The following NSD3 variants were observed in gnomAD, a reference collection of about 807,000 sequenced individuals.
NSD3 encodes nuclear receptor binding SET domain protein 3.
A neutral mutation model predicts 160.8 loss-of-function variants in NSD3; 24 were observed. The observed-to-expected ratio is 0.15, with a 90% CI of 0.11 to 0.21. NSD3 has a LOEUF of 0.21. Among genes scored for constraint, NSD3 ranks in the 10% least tolerant of loss-of-function variants. NSD3 has a pLI of 1.00. For missense variants in NSD3, 1,157 were observed against 1,735.9 expected, an observed-to-expected ratio of 0.67 and a Z score of 5.93; for synonymous variants, 520 against 600.0, an observed-to-expected ratio of 0.87 and a Z score of 1.95.
chr8:38,355,721 T>TA (rs2150387871), intron 1 of NSD3, among the ~76,000 whole-genome samples: 1 of 152,336 alleles, frequency 6.6e-6, no homozygotes, highest in South Asian at 2.1e-4. Context: ...AAATCCCTGA[T>TA]AAAGATAATG....
At chr8:38,294,481 C>G (rs566309760) in intron 16 of NSD3, among the ~76,000 whole-genome samples, 1 of 152,290 alleles carries the variant, frequency 6.6e-6, no homozygotes, top group South Asian at 2.1e-4. Flanking sequence ...TAATGGTACT[C>G]ACATACTTCC....
intron 12 of NSD3, among the ~76,000 whole-genome samples, chr8:38,307,712 C>T (rs1186243854): frequency 6.6e-6 from 1 of 152,164 alleles, no homozygotes; most frequent in Non-Finnish European, 1.5e-5. Flanking sequence ...CACAGACACA[C>T]ACAAAGGTTT....
rs1809633764 is a variant in NSD3, at chr8:38,315,433, T to C, written c.2098A>G (p.Lys700Glu). ...CTGCCTACCTGACATACAGTGTCCT[T>C]CTTACTCATTCCAGTGCCTCTTCTC... ...LSRRGTGMSK[K>E]DTVCQICESS... is the part of the protein sequence containing the mutation. The change falls in exon 11 of 24, where the codon AAG (lysine) becomes GAG (glutamate). Residue 700 changes from lysine (K) to glutamate (E), a missense_variant. Lys to Glu is a moderately conservative substitution (Grantham distance 56). Around this residue, in one of 10 missense-constraint regions of NSD3, gnomAD observed 437 missense variants for 576.6 expected, o/e 0.76. Coordinates refer to ENST00000317025, the MANE Select transcript of NSD3 (RefSeq NM_023034.2). 6.3e-6 allele frequency: 10 copies of C among 1,595,780 alleles called. No individual in the cohort carries two copies. Among genetic ancestry groups the C allele is most frequent in the African/African-American group, 2.7e-5 (2 of 73,698 alleles).
intron 16 of NSD3, among the ~76,000 whole-genome samples, chr8:38,294,926 A>G (rs12386976): frequency 0.22 from 33,940 of 151,258 alleles, 4,045 homozygotes; most frequent in East Asian, 0.33. Flanking sequence ...GGCGGATCAC[A>G]AGGTCAGGAG....
chr8:38,301,953 T>C (rs1250006125), intron 14 of NSD3, among the ~76,000 whole-genome samples: 1 of 152,256 alleles, frequency 6.6e-6, no homozygotes, highest in African/African-American at 2.4e-5. Context: ...TAACTTATTT[T>C]ACACAACCCT....
At chr8:38,372,718 A>G (rs1454073602) in intron 1 of NSD3, among the ~76,000 whole-genome samples, 2 of 144,504 alleles carry the variant, frequency 1.4e-5, no homozygotes, top group South Asian at 4.5e-4. Flanking sequence ...CTGGTCTCCA[A>G]CTCCTCCCCT....
At chr8:38,299,160 T>C (rs1257629666) in intron 15 of NSD3, among the ~76,000 whole-genome samples, 1 of 152,232 alleles carries the variant, frequency 6.6e-6, no homozygotes, top group Non-Finnish European at 1.5e-5. Context: ...ATTCTATATT[T>C]ATACTGACCA....
chr8:38,380,206 T>TATTCTTA (rs1811501386), intron 1 of NSD3, among the ~76,000 whole-genome samples: 1 of 152,174 alleles, frequency 6.6e-6, no homozygotes, highest in Non-Finnish European at 1.5e-5. Context: ...AAGAAAATAC[T>TATTCTTA]ATTCTTAACA....
chr8:38,355,386 G>A (rs1356671428), intron 1 of NSD3, among the ~76,000 whole-genome samples: 1 of 150,778 alleles, frequency 6.6e-6, no homozygotes, highest in African/African-American at 2.4e-5. Flanking sequence ...TTGCAATGCT[G>A]GGCATACAGA....
intron 7 of NSD3, among the ~76,000 whole-genome samples, chr8:38,326,064 C>G (rs1809903373): frequency 6.6e-6 from 1 of 151,856 alleles, no homozygotes; most frequent in African/African-American, 2.4e-5. Context: ...AGGAGAATCG[C>G]TTGAACCTGG....
rs146164173 is a variant in NSD3 at position 38,283,468 on chromosome 8, T to C, written c.3502-1885A>G. ...CTCATAGCTCTTAGTATCACAGAACTGTTGGTAGTCCCTAGCTGAAGAGAA... is the reference window on the plus strand; with the variant it reads ...CTCATAGCTCTTAGTATCACAGAACCGTTGGTAGTCCCTAGCTGAAGAGAA... On this transcript the variant is annotated intron_variant, in intron 19 of 23. Transcript: ENST00000317025. 3.9e-3 allele frequency among the ~76,000 whole-genome samples: 527 copies of C among 133,806 alleles called. 4 individuals carry two copies. The highest frequency in any genetic ancestry group is 5.5e-3 in the Non-Finnish European group (358 of 65,440). 87.8% of individuals were successfully genotyped at this position (133,806 alleles called of 152,430 possible).
chr8:38,280,948 GTCT>G (rs1808720638), intron 20 of NSD3, among the ~76,000 whole-genome samples: 1 of 151,856 alleles, frequency 6.6e-6, no homozygotes, highest in Non-Finnish European at 1.5e-5. Flanking sequence ...TAGAGACAGG[GTCT>G]TCCTATGTTG....
chr8:38,332,571 G>A (rs532267082), intron 4 of NSD3, among the ~76,000 whole-genome samples: 1 of 152,328 alleles, frequency 6.6e-6, no homozygotes, highest in South Asian at 2.1e-4. Flanking sequence ...TAAGGGCAAT[G>A]CTACTCTGAA....
chr8:38,305,262 T>C lies in NSD3; in HGVS notation c.2426A>G (p.His809Arg). The change falls in exon 13 of 24, where the codon CAC (histidine) becomes CGC (arginine). Residue 809 changes from histidine (H) to arginine (R), a missense_variant. His to Arg is a conservative substitution (Grantham distance 29). Around this residue, in one of 10 missense-constraint regions of NSD3, gnomAD observed 437 missense variants for 576.6 expected, o/e 0.76. Transcript: ENST00000317025. ...CSACSMEKDI[H>R]KASKGRMMRC... The stretch of plus-strand genomic sequence containing the variant: ...AGCTGTTTTACCTTTACTTGCTTTG[T>C]GGATATCTTTCTCCATAGAGCAGGC... The C allele has an allele frequency of 6.2e-7, 1 of 1,614,120 alleles. No individual in the cohort carries two copies. The highest frequency in any genetic ancestry group is 8.5e-7 in the Non-Finnish European group (1 of 1,179,976).
chr8:38,329,546 T>C lies in NSD3; in HGVS notation c.1413A>G (p.Lys471=). The C allele has an allele frequency of 2.5e-6, 4 of 1,614,228 alleles. No homozygotes were observed. Among genetic ancestry groups the C allele is most frequent in the Non-Finnish European group, 3.4e-6 (4 of 1,180,046 alleles). The stretch of plus-strand genomic sequence containing the variant: ...GTAAGGATTTCCTTGCTGCCGCAGT[T>C]TTCCAGGCTATTTTAACAGGCGGTG... ...EEPPPVKIAW[K]TAAARKSLPA... Residue 471 remains lysine (K), a synonymous_variant, in exon 6 of 24, where the codon AAA becomes AAG. Transcript: ENST00000317025. This position sits in a 1 kb window ranked among gnomAD's most constrained non-coding sequence, Gnocchi z 4.8.
In NSD3 at chr8:38,288,462, A is replaced by AC. The variant is rs544994971; in HGVS notation, c.3501+24dup. The AC allele has an allele frequency of 1.2e-6, 2 of 1,608,008 alleles. No individual in the cohort carries two copies. The highest frequency in any genetic ancestry group is 4.5e-5 in the East Asian group (2 of 44,752). On this transcript the variant is annotated intron_variant, in intron 19 of 23. Transcript: ENST00000317025. This position sits in a 1 kb window ranked among gnomAD's most constrained non-coding sequence, Gnocchi z 4.5. ...GAAAAGCCAGGTTCTGGTCTCTTCCACCCCCCACCACCATCCCATGCTACC... is the reference window on the plus strand; with the variant it reads ...GAAAAGCCAGGTTCTGGTCTCTTCCACCCCCCCACCACCATCCCATGCTACC...
At position 38,271,344 on chromosome 8, in the gene NSD3, T is replaced by C. The variant is rs1808469952; in HGVS notation, c.*4297A>G. On this transcript the variant is annotated 3_prime_UTR_variant, in exon 24 of 24. Coordinates refer to ENST00000317025, the MANE Select transcript of NSD3 (RefSeq NM_023034.2). ...AAGTACTTAAAAAACCTGAATTCAATGAGGCAGAGGTCTCAATGTTAAAGT... is the reference window on the plus strand; with the variant it reads ...AAGTACTTAAAAAACCTGAATTCAACGAGGCAGAGGTCTCAATGTTAAAGT... 6.6e-6 allele frequency: 1 copy of C among 152,108 alleles called. No individual in the cohort carries two copies. Among genetic ancestry groups the C allele is most frequent in the African/African-American group, 2.4e-5 (1 of 41,418 alleles). 9.4% of individuals were successfully genotyped at this position (152,108 alleles called of 1,614,324 possible).
At chr8:38,323,385 A>T (rs1809836719) in intron 7 of NSD3, among the ~76,000 whole-genome samples, 1 of 152,146 alleles carries the variant, frequency 6.6e-6, no homozygotes, top group Admixed American at 6.5e-5. Flanking sequence ...TTAATTTACA[A>T]CCTAAATTCT....
intron 12 of NSD3, among the ~76,000 whole-genome samples, chr8:38,312,187 AG>A (rs1417398296): frequency 6.6e-6 from 1 of 152,190 alleles, no homozygotes; most frequent in Non-Finnish European, 1.5e-5. Context: ...TGACTTCTGT[AG>A]CTTTGTAGTA....
Sources: gnomAD v4.1 joint callset for allele counts (sites outside exome capture counted in the v4.1 genomes callset) on GRCh38, gnomAD v4.1.1 for gene constraint, gnomAD v4.1.1 regional missense constraint, Gnocchi (gnomAD v3.1) non-coding constraint, MANE v1.5 for transcripts, NCBI Gene and HGNC (gene_info 2026-07-23, HGNC 2026-07-21) for gene names.